Variants in SGCZ observed in about 807,000 individuals in gnomAD.
The protein encoded by SGCZ is sarcoglycan zeta, also known as zeta-sarcoglycan.
Under a neutral mutation model 41.3 loss-of-function variants are expected in SGCZ, and 40 were observed. The ratio of observed to expected loss-of-function variants is 0.97; its 90% confidence interval spans 0.75 to 1.26. The LOEUF is 1.26. Ranked by LOEUF, SGCZ falls within the 50% of genes most tolerant of loss-of-function variation. SGCZ has a pLI of 0.00. For synonymous variants in SGCZ, 206 were observed against 137.5 expected (o/e 1.50, Z -3.49); for missense variants, 552 against 369.8 (o/e 1.49, Z -4.04).
intron 4 of SGCZ, among the ~76,000 whole-genome samples, chr8:14,205,872 TA>T (rs2117082046): frequency 6.6e-6 from 1 of 152,218 alleles, no homozygotes; most frequent in African/African-American, 2.4e-5. Context: ...GATATTTTCA[TA>T]AAAAACAAAT....
At chr8:14,101,219 A>T (rs1041541384) in intron 7 of SGCZ, among the ~76,000 whole-genome samples, 2 of 152,160 alleles carry the variant, frequency 1.3e-5, no homozygotes, top group Admixed American at 6.5e-5. Context: ...TAGTGGGGAG[A>T]ACCCTGAAAA....
chr8:14,269,625 T>C (rs1013572875), intron 3 of SGCZ, among the ~76,000 whole-genome samples: 10 of 152,144 alleles, frequency 6.6e-5, no homozygotes, highest in South Asian at 6.2e-4. Context: ...GTCATTGATC[T>C]CCATGTCAGA....
chr8:14,470,848 AGGCAGT>A (rs1563350775), intron 2 of SGCZ, among the ~76,000 whole-genome samples: 1 of 152,168 alleles, frequency 6.6e-6, no homozygotes, highest in Non-Finnish European at 1.5e-5. Context: ...ATATCAAAAT[AGGCAGT>A]TCTTTGTGTA....
chr8:14,739,473 A>G (rs924151839), intron 1 of SGCZ, among the ~76,000 whole-genome samples: 1 of 152,076 alleles, frequency 6.6e-6, no homozygotes, highest in East Asian at 1.9e-4. Context: ...TATCCAGATT[A>G]CCATTTTGGA....
intron 2 of SGCZ, among the ~76,000 whole-genome samples, chr8:14,436,594 G>A (rs1014578796): frequency 6.6e-6 from 1 of 152,148 alleles, no homozygotes; most frequent in Non-Finnish European, 1.5e-5. Context: ...AGTACCAAAG[G>A]CACAAGCACT....
chr8:14,399,895 G>C (rs1055914988), intron 2 of SGCZ, among the ~76,000 whole-genome samples: 2 of 151,798 alleles, frequency 1.3e-5, no homozygotes, highest in African/African-American at 2.4e-5. Context: ...TTAATGTTTA[G>C]TATACTTCCA....
intron 1 of SGCZ, among the ~76,000 whole-genome samples, chr8:15,014,294 G>C (rs1163631117): frequency 6.6e-6 from 1 of 152,146 alleles, no homozygotes; most frequent in Admixed American, 6.5e-5. Flanking sequence ...GATGTGCTGG[G>C]CGTGGTGTCA....
intron 2 of SGCZ, among the ~76,000 whole-genome samples, chr8:14,456,443 G>A (rs1800747737): frequency 6.6e-6 from 1 of 151,910 alleles, no homozygotes; most frequent in African/African-American, 2.4e-5. Context: ...AATTTGCAGA[G>A]GAAAAGTTCA....
At chr8:14,096,041 A>G (rs1180890562) in intron 7 of SGCZ, among the ~76,000 whole-genome samples, 3 of 152,174 alleles carry the variant, frequency 2.0e-5, no homozygotes, top group Admixed American at 1.3e-4. Context: ...CAATCATGTC[A>G]TCTGCAAACA....
At chr8:14,252,099 T>C (rs1799308959) in intron 3 of SGCZ, among the ~76,000 whole-genome samples, 1 of 152,148 alleles carries the variant, frequency 6.6e-6, no homozygotes, top group Non-Finnish European at 1.5e-5. Flanking sequence ...TCTCCCCATA[T>C]GGAATTCACA....
At chr8:14,697,451 C>G (rs920568705) in intron 1 of SGCZ, among the ~76,000 whole-genome samples, 1 of 152,042 alleles carries the variant, frequency 6.6e-6, no homozygotes, top group African/African-American at 2.4e-5. Context: ...ATTTCACTTA[C>G]AATACATTTG....
intron 1 of SGCZ, among the ~76,000 whole-genome samples, chr8:14,578,472 A>G (rs1278936380): frequency 1.3e-5 from 2 of 152,336 alleles, no homozygotes; most frequent in African/African-American, 4.8e-5. Context: ...CTGTGACCAC[A>G]TGACTAAATA....
At position 14,946,005 on chromosome 8, in the gene SGCZ, CATATATATATATATATATATATATATAT is replaced by C. The variant is rs34647526; in HGVS notation, c.39+291552_39+291579del. On this transcript the variant is annotated intron_variant, in intron 1 of 7. Coordinates refer to ENST00000382080, the MANE Select transcript of SGCZ (RefSeq NM_139167.4). Reference sequence around the variant, plus strand: ...AGCCAATTCCCCTACTAAATGTCCCCATATATATATATATATATATATATATATATATATATATATATATATATATGAA... The same window carrying C: ...AGCCAATTCCCCTACTAAATGTCCCCATATATATATATATATATATATGAA... Among the ~76,000 whole-genome samples, 43 of 14,884 alleles carry C rather than the reference CATATATATATATATATATATATATATAT, an allele frequency of 2.9e-3. 1 individual carries two copies. The highest frequency in any genetic ancestry group is 0.014 in the East Asian group (6 of 430). The allele number at this position is 14,884 out of a possible 152,430, so 9.8% of individuals were successfully genotyped here.
At chr8:14,548,422 A>T (rs1184921915) in intron 2 of SGCZ, among the ~76,000 whole-genome samples, 1 of 152,218 alleles carries the variant, frequency 6.6e-6, no homozygotes, top group Non-Finnish European at 1.5e-5. Flanking sequence ...ATAAAAATGA[A>T]TTCATTTTAT....
chr8:14,939,487 C>G (rs144716629), intron 1 of SGCZ, among the ~76,000 whole-genome samples: 1 of 152,158 alleles, frequency 6.6e-6, no homozygotes, highest in African/African-American at 2.4e-5. Context: ...CAAATAAAAT[C>G]AGGCAGACAA....
In SGCZ at chr8:15,052,742, C is replaced by T. The variant is rs75221517; in HGVS notation, c.39+184843G>A. 6.3e-3 allele frequency among the ~76,000 whole-genome samples: 957 copies of T among 152,226 alleles called. 12 individuals carry two copies. The highest frequency in any genetic ancestry group is 0.02 in the African/African-American group (837 of 41,516). On this transcript the variant is annotated intron_variant, in intron 1 of 7. Coordinates refer to ENST00000382080, the MANE Select transcript of SGCZ (RefSeq NM_139167.4). ...ACACCTAATAAATTTCATCCTTAAA[C>T]ATTCTTTGGAATGTCAAGTGGTTAA...
chr8:14,856,699 CAGGGGGCTTAGG>C (rs1803556052), intron 1 of SGCZ, among the ~76,000 whole-genome samples: 1 of 152,134 alleles, frequency 6.6e-6, no homozygotes, highest in South Asian at 2.1e-4. Flanking sequence ...AGTCACTGGG[CAGGGGGCTTAGG>C]CAGCAGTATG....
chr8:14,808,066 A>C (rs1020628274), intron 1 of SGCZ, among the ~76,000 whole-genome samples: 35 of 152,262 alleles, frequency 2.3e-4, no homozygotes, highest in African/African-American at 6.0e-4. Context: ...CTTACACCTT[A>C]TACAAAAATT....
At chr8:14,295,407 A>T (rs980151411) in intron 3 of SGCZ, among the ~76,000 whole-genome samples, 3 of 152,212 alleles carry the variant, frequency 2.0e-5, no homozygotes, top group Non-Finnish European at 4.4e-5. Flanking sequence ...ATATAATTAA[A>T]GTAATGGTAC....
Sources: allele counts gnomAD v4.1 joint callset (sites outside exome capture counted in the v4.1 genomes callset), GRCh38; gene constraint gnomAD v4.1.1; transcripts MANE v1.5; gene names NCBI Gene and HGNC (gene_info 2026-07-23, HGNC 2026-07-21).